The following ARHGAP39 variants were observed in gnomAD, a reference collection of about 807,000 sequenced individuals.
The protein encoded by ARHGAP39 is Rho GTPase activating protein 39.
In ARHGAP39, 44 loss-of-function variants were observed where a neutral mutation model predicts 106.9. The observed-to-expected ratio is 0.41, with a 90% CI of 0.32 to 0.53. ARHGAP39 has a LOEUF of 0.53. Ranked by LOEUF, ARHGAP39 falls within the 20% of genes least tolerant of loss-of-function variation. The pLI is 0.21. For synonymous variants in ARHGAP39, 768 were observed against 693.2 expected, an observed-to-expected ratio of 1.11 and a Z score of -1.69; for missense variants, 1,496 against 1,577.3, an observed-to-expected ratio of 0.95 and a Z score of 0.87.
At chr8:144,693,002 G>C in the ARHGAP39 span, among the ~76,000 whole-genome samples, 2 of 149,084 alleles carry the variant, frequency 1.3e-5, no homozygotes, top group African/African-American at 5.0e-5. Context: ...CAGGTGATCC[G>C]CCTGCCTCAG....
At chr8:144,688,987 G>C (rs374217570), upstream of ARHGAP39, among the ~76,000 whole-genome samples, 1 of 152,226 alleles carries the variant, frequency 6.6e-6, no homozygotes, top group South Asian at 2.1e-4. Context: ...GTCTGCTCCT[G>C]AGCCGGGGTG....
At chr8:144,580,080 G>A (rs1818914022) in intron 3 of ARHGAP39, among the ~76,000 whole-genome samples, 1 of 151,968 alleles carries the variant, frequency 6.6e-6, no homozygotes, top group African/African-American at 2.4e-5. Context: ...GTCCTCTCTG[G>A]ACTCGCTTCC....
chr8:144,619,731 TGC>T (rs1820739106), intron 1 of ARHGAP39, among the ~76,000 whole-genome samples: 2 of 150,712 alleles, frequency 1.3e-5, no homozygotes, highest in African/African-American at 4.9e-5. Context: ...TGTGTCCGTG[TGC>T]GTGTGAGCCT....
intron 1 of ARHGAP39, among the ~76,000 whole-genome samples, chr8:144,610,623 A>G (rs1820457313): frequency 6.6e-6 from 1 of 151,946 alleles, no homozygotes; most frequent in Non-Finnish European, 1.5e-5. Context: ...GAGGCAGGGG[A>G]ATGGCGTGAA....
chr8:144,552,454 C>T (rs183167916), intron 4 of ARHGAP39, among the ~76,000 whole-genome samples: 3 of 152,374 alleles, frequency 2.0e-5, no homozygotes, highest in Admixed American at 2.0e-4. Context: ...GCCAGAGTCC[C>T]TAAATACAGA....
intron 1 of ARHGAP39, among the ~76,000 whole-genome samples, chr8:144,637,040 G>A (rs772419244): frequency 1.3e-5 from 2 of 152,182 alleles, no homozygotes; most frequent in Non-Finnish European, 2.9e-5. Flanking sequence ...TCCAGACGCC[G>A]TGTCTTTGTG....
chr8:144,594,287 A>G (rs959209555), intron 2 of ARHGAP39, among the ~76,000 whole-genome samples: 14 of 152,194 alleles, frequency 9.2e-5, no homozygotes, highest in Admixed American at 8.5e-4. Flanking sequence ...GGTAAAAGCC[A>G]TAATAAGTGT....
the ARHGAP39 span, among the ~76,000 whole-genome samples, chr8:144,694,407 G>A: frequency 1.6e-4 from 24 of 152,292 alleles, no homozygotes; most frequent in Admixed American, 1.2e-3. Context: ...ACTGGCTCCC[G>A]TTTCTGTGGA....
intron 2 of ARHGAP39, among the ~76,000 whole-genome samples, chr8:144,599,627 A>C (rs986882027): frequency 6.6e-6 from 1 of 152,200 alleles, no homozygotes; most frequent in Non-Finnish European, 1.5e-5. Flanking sequence ...TATGTTTAAA[A>C]GACAAAATTA....
chr8:144,607,657 C>T (rs1467657697), intron 1 of ARHGAP39, among the ~76,000 whole-genome samples: 2 of 152,164 alleles, frequency 1.3e-5, no homozygotes, highest in East Asian at 3.9e-4. Flanking sequence ...GAAGAGAGCA[C>T]AGCAGGTGAC....
At chr8:144,610,109 A>G (rs1820436995) in intron 1 of ARHGAP39, among the ~76,000 whole-genome samples, 1 of 152,220 alleles carries the variant, frequency 6.6e-6, no homozygotes, top group South Asian at 2.1e-4. Flanking sequence ...ATTTGTTGGC[A>G]TAAGTTATTA....
Position 144,581,195 on chromosome 8 carries a change from G to C in ARHGAP39, c.163C>G (p.Pro55Ala), listed in dbSNP as rs376387372. 14 of 1,558,430 alleles carry C rather than the reference G, an allele frequency of 9.0e-6. No individual in the cohort carries two copies. The African/African-American group carries it at 1.8e-4, about 20-fold the overall frequency. Reference sequence around the variant, plus strand: ...CGCTTGATGCGGACGCCGGCCGGCGGGTCCCACACGCACTCACCGGTGACC... The same window carrying C: ...CGCTTGATGCGGACGCCGGCCGGCGCGTCCCACACGCACTCACCGGTGACC... ...NLVTGECVWD[P>A]PAGVRIKRTS... Residue 55 changes from proline to alanine, a missense_variant, in exon 3 of 12, where the codon CCG becomes GCG. Physicochemically the swap from Pro to Ala is conservative, Grantham distance 27. Transcript: ENST00000377307.
rs77327768 is a variant in ARHGAP39, at chr8:144,557,095, G to C, written c.513-1452C>G. Among the ~76,000 whole-genome samples the C allele has an allele frequency of 5.0e-5, 6 of 119,572 alleles. No homozygotes were observed. The East Asian group carries it at 7.2e-4, about 14-fold the overall frequency. The allele number at this position is 119,572 out of a possible 152,430, so 78.4% of individuals were successfully genotyped here. ...ACCTTCATAGTACTCAGAGGCAAAG[G>C]CTGAACCTTCATAGTATTCAGAGGC... On this transcript the variant is annotated intron_variant, in intron 3 of 11. Transcript: ENST00000377307.
At chr8:144,576,625 G>A (rs1001241825) in intron 3 of ARHGAP39, among the ~76,000 whole-genome samples, 12 of 152,174 alleles carry the variant, frequency 7.9e-5, no homozygotes, top group African/African-American at 2.4e-4. Flanking sequence ...TTGCAGAGAC[G>A]AGTCAAAACG....
rs370695792 is a variant in ARHGAP39, at chr8:144,671,062, C to T, written c.-82+14624G>A. ...AGCCTCAGGGCCGCCAAGCTTCTCC[C>T]GAAACCCAACCAGGGCCCTTCACAT... On this transcript the variant is annotated intron_variant, in intron 1 of 11. Coordinates refer to ENST00000377307, the MANE Select transcript of ARHGAP39 (RefSeq NM_025251.3). This position sits in a 1 kb window ranked among gnomAD's most constrained non-coding sequence, Gnocchi z 4.5. Among the ~76,000 whole-genome samples the T allele has an allele frequency of 2.6e-5, 4 of 152,184 alleles. No individual in the cohort carries two copies. The highest frequency in any genetic ancestry group is 7.2e-5 in the African/African-American group (3 of 41,442).
chr8:144,670,341 G>T lies in ARHGAP39; in HGVS notation c.-82+15345C>A, dbSNP rs564101181. 2.0e-5 allele frequency among the ~76,000 whole-genome samples: 3 copies of T among 152,158 alleles called. No individual in the cohort carries two copies. The highest frequency in any genetic ancestry group is 4.4e-5 in the Non-Finnish European group (3 of 68,036). The stretch of plus-strand genomic sequence containing the variant: ...CCTGGGACCAGGAGGCTGTGCCCGG[G>T]TTCACCACACTGCTCCATCACCCTC... On this transcript the variant is annotated intron_variant, in intron 1 of 11. Transcript: ENST00000377307. This position sits in a 1 kb window ranked among gnomAD's most constrained non-coding sequence, Gnocchi z 4.4.
Position 144,547,211 on chromosome 8 carries a change from T to C in ARHGAP39, c.1875A>G (p.Leu625=), listed in dbSNP as rs1817466938. ...TCTCCAGCAGGATCTGGGGGAAGCC[T>C]AGCTTCTCGAAGGTGCCCCTCCTCC... is the stretch of plus-strand genomic sequence containing the variant. ...RHWRRGTFEK[L]GFPQILLEKS... is the part of the protein sequence containing the mutation. The change falls in exon 5 of 12, where the codon CTA becomes CTG. Residue 625 remains leucine, a synonymous_variant. Coordinates refer to ENST00000377307, the MANE Select transcript of ARHGAP39 (RefSeq NM_025251.3). The surrounding 1 kb of genome is among the most constrained non-coding windows in gnomAD (Gnocchi z 5.2). 3 of 1,612,312 alleles carry C rather than the reference T, an allele frequency of 1.9e-6. No homozygotes were observed. Among genetic ancestry groups the C allele is most frequent in the Middle Eastern group, 1.6e-4 (1 of 6,070 alleles).
Position 144,530,782 on chromosome 8 carries a change from G to A in ARHGAP39, c.3070C>T (p.Pro1024Ser). Residue 1024 changes from proline (P) to serine (S), a missense_variant, in exon 11 of 12, where the codon CCC (proline) becomes TCC (serine). Physicochemically the swap from Pro to Ser is moderately conservative, Grantham distance 74. Coordinates refer to ENST00000377307, the MANE Select transcript of ARHGAP39 (RefSeq NM_025251.3). ...TGCACCACGGCCACCGCCGCCTCGG[G>A]GCTGTCGTAGTGCGCGATGCACTGC... ...YEQCIAHYDS[P>S]EAAVAVVHAL... 1 of 1,611,800 alleles carries A rather than the reference G, an allele frequency of 6.2e-7. No homozygotes were observed. Among genetic ancestry groups the A allele is most frequent in the Non-Finnish European group, 8.5e-7 (1 of 1,179,586 alleles).
chr8:144,590,635 C>T (rs543795815), intron 2 of ARHGAP39, among the ~76,000 whole-genome samples: 84 of 152,294 alleles, frequency 5.5e-4, no homozygotes, highest in African/African-American at 1.9e-3. Context: ...AATGTGAGAA[C>T]GGCCTGACAC....
Sources: allele counts gnomAD v4.1 joint callset (sites outside exome capture counted in the v4.1 genomes callset), GRCh38; gene constraint gnomAD v4.1.1; non-coding constraint Gnocchi (gnomAD v3.1); transcripts MANE v1.5; gene names NCBI Gene and HGNC (gene_info 2026-07-23, HGNC 2026-07-21).